FANCC: variants seen among roughly 807,000 people sequenced by gnomAD.
FANCC encodes FA complementation group C.
FANCC carries 55 observed loss-of-function variants against 71.3 expected under a neutral mutation model. The observed-to-expected ratio is 0.77, with a 90% CI of 0.62 to 0.97. The LOEUF (loss-of-function observed/expected upper bound fraction) is 0.97, where lower values mean the gene tolerates loss of function less well. Among genes scored for constraint, FANCC ranks in the 50% least tolerant of loss-of-function variants. FANCC has a pLI of 0.00. For synonymous variants in FANCC, 275 were observed against 244.9 expected, an observed-to-expected ratio of 1.12 and a Z score of -1.15; for missense variants, 678 against 670.9, an observed-to-expected ratio of 1.01 and a Z score of -0.12.
chr9:95,260,742 G>A (rs539596108), intron 1 of FANCC, among the ~76,000 whole-genome samples: 2 of 149,716 alleles, frequency 1.3e-5, no homozygotes, highest in African/African-American at 2.5e-5. Flanking sequence ...TCACCCCACA[G>A]GCAAAGAAAA....
At chr9:95,227,309 C>T (rs1456910550) in intron 4 of FANCC, among the ~76,000 whole-genome samples, 1 of 152,220 alleles carries the variant, frequency 6.6e-6, no homozygotes, top group African/African-American at 2.4e-5. Flanking sequence ...CTGGGCCAGG[C>T]AGGCTCAGTC....
At chr9:95,236,536 C>T (rs1297151237) in intron 4 of FANCC, among the ~76,000 whole-genome samples, 1 of 152,158 alleles carries the variant, frequency 6.6e-6, no homozygotes, top group Non-Finnish European at 1.5e-5. Flanking sequence ...CAATGTGTTT[C>T]CAGTATAACA....
intron 1 of FANCC, among the ~76,000 whole-genome samples, chr9:95,256,555 A>G (rs1206445537): frequency 6.6e-6 from 1 of 152,196 alleles, no homozygotes; most frequent in African/African-American, 2.4e-5. Context: ...TATGGAAAGG[A>G]AAACCCAGTA....
At chr9:95,137,761 G>A (rs954356347) in intron 7 of FANCC, among the ~76,000 whole-genome samples, 2 of 152,220 alleles carry the variant, frequency 1.3e-5, no homozygotes, top group Non-Finnish European at 2.9e-5. Context: ...TGAGTGTGGA[G>A]GCAGGCAGGG....
intron 4 of FANCC, among the ~76,000 whole-genome samples, chr9:95,232,213 A>T (rs998675594): frequency 6.6e-6 from 1 of 152,326 alleles, no homozygotes; most frequent in African/African-American, 2.4e-5. Context: ...TAGTAGTACC[A>T]GGGGGATGGT....
At chr9:95,188,626 T>C (rs566012023) in intron 4 of FANCC, among the ~76,000 whole-genome samples, 3 of 152,334 alleles carry the variant, frequency 2.0e-5, no homozygotes, top group African/African-American at 7.2e-5. Context: ...GTAAACCTTA[T>C]CATCCTTCAG....
intron 10 of FANCC, chr9:95,123,964 G>A (rs925444335): frequency 2.7e-6 from 1 of 365,676 alleles, no homozygotes; most frequent in Non-Finnish European, 5.3e-6. Flanking sequence ...GTAGCCATGA[G>A]TGGTGACATG....
At chr9:95,121,853 A>T (rs1327940144) in intron 10 of FANCC, among the ~76,000 whole-genome samples, 1 of 151,680 alleles carries the variant, frequency 6.6e-6, no homozygotes, top group Non-Finnish European at 1.5e-5. Context: ...ATAAACATAA[A>T]ATTCATTTTT....
At chr9:95,293,840 T>A in intron 1 of FANCC, 3 of 1,612,442 alleles carry the variant, frequency 1.9e-6, no homozygotes, top group Non-Finnish European at 2.5e-6. Flanking sequence ...GGATACAAAG[T>A]CCAACGGATG....
chr9:95,310,149 G>A (rs769974407), intron 1 of FANCC, among the ~76,000 whole-genome samples: 1 of 152,158 alleles, frequency 6.6e-6, no homozygotes, highest in Non-Finnish European at 1.5e-5. Context: ...GACAGCTTGA[G>A]GCTGGGAGTT....
At chr9:95,293,111 T>G in intron 1 of FANCC, 2 of 1,613,176 alleles carry the variant, frequency 1.2e-6, no homozygotes, top group East Asian at 2.2e-5. Flanking sequence ...ACCCAAGAAC[T>G]AGAAGCTTCA....
chr9:95,152,110 C>T (rs1564699942), intron 6 of FANCC, among the ~76,000 whole-genome samples: 1 of 152,146 alleles, frequency 6.6e-6, no homozygotes, highest in African/African-American at 2.4e-5. Flanking sequence ...ACTTGTGAGA[C>T]AGTAATTGTT....
intron 1 of FANCC, among the ~76,000 whole-genome samples, chr9:95,310,817 T>TA (rs952311374): frequency 1.3e-5 from 2 of 151,892 alleles, no homozygotes; most frequent in African/African-American, 4.8e-5. Flanking sequence ...AGTTATATAA[T>TA]AAAAAAGAAT....
At chr9:95,308,428 C>G (rs1449143521) in intron 1 of FANCC, among the ~76,000 whole-genome samples, 1 of 145,326 alleles carries the variant, frequency 6.9e-6, no homozygotes, top group African/African-American at 2.6e-5. Flanking sequence ...GGATTACAGG[C>G]ACATGTCACC....
intron 4 of FANCC, among the ~76,000 whole-genome samples, chr9:95,177,261 C>A (rs985022009): frequency 6.6e-6 from 1 of 152,138 alleles, no homozygotes; most frequent in African/African-American, 2.4e-5. Flanking sequence ...GTGATCTAAA[C>A]CTATCTAAAC....
intron 1 of FANCC, among the ~76,000 whole-genome samples, chr9:95,274,896 G>C (rs1437181251): frequency 2.6e-5 from 4 of 152,120 alleles, no homozygotes; most frequent in Admixed American, 2.0e-4. Context: ...TACATAGGTA[G>C]GAATTCTCTG....
At chr9:95,241,113 T>C (rs1190268460) in intron 3 of FANCC, among the ~76,000 whole-genome samples, 2 of 152,340 alleles carry the variant, frequency 1.3e-5, no homozygotes, top group South Asian at 2.1e-4. Flanking sequence ...ACTGGGCTTT[T>C]TTCATGATCA....
At position 95,271,028 on chromosome 9, in the gene FANCC, T is replaced by A. The variant is rs1832682352; in HGVS notation, c.-78-21659A>T. ...TGAGTGGGATAAGAATGGGCTCTGA[T>A]TAGGTTAAAGCAGTGCTCATCAACC... On this transcript the variant is annotated intron_variant, in intron 1 of 14. Coordinates refer to ENST00000289081, the MANE Select transcript of FANCC (RefSeq NM_000136.3). Among the ~76,000 whole-genome samples the A allele has an allele frequency of 5.3e-5, 8 of 152,266 alleles. No individual in the cohort carries two copies. In the South Asian group the frequency reaches 1.7e-3, roughly 32 times the overall value.
chr9:95,108,916 T>C (rs1026545042), intron 13 of FANCC, among the ~76,000 whole-genome samples: 2 of 152,054 alleles, frequency 1.3e-5, no homozygotes, highest in African/African-American at 4.8e-5. Flanking sequence ...GACCTTTTTT[T>C]TTTTTTGGAG....
Sources: gnomAD v4.1 joint callset for allele counts (sites outside exome capture counted in the v4.1 genomes callset) on GRCh38, gnomAD v4.1.1 for gene constraint, MANE v1.5 for transcripts, NCBI Gene and HGNC (gene_info 2026-07-23, HGNC 2026-07-21) for gene names.